The following SPARCL1 variants were observed in gnomAD, a reference collection of about 807,000 sequenced individuals.
SPARCL1 encodes the protein SPARC-like protein 1.
In SPARCL1, 52 loss-of-function variants were observed where a neutral mutation model predicts 67.1. That is an observed-to-expected ratio of 0.78 (90% confidence interval 0.62 to 0.98). The LOEUF (loss-of-function observed/expected upper bound fraction) is 0.98, where lower values mean the gene tolerates loss of function less well. Among genes scored for constraint, SPARCL1 ranks in the 50% least tolerant of loss-of-function variants. SPARCL1 has a pLI of 0.00. For synonymous variants in SPARCL1, 226 were observed against 267.8 expected, an observed-to-expected ratio of 0.84 and a Z score of 1.52; for missense variants, 717 against 782.4, an observed-to-expected ratio of 0.92 and a Z score of 1.00.
chr4:87,508,846 C>T (rs866807388), intron 1 of SPARCL1, among the ~76,000 whole-genome samples: 11 of 127,628 alleles, frequency 8.6e-5, no homozygotes, highest in South Asian at 2.6e-4. Flanking sequence ...AATGTAGATA[C>T]GTATATAGAT....
In SPARCL1 at chr4:87,479,519, C is replaced by A; in HGVS notation, c.1877G>T (p.Cys626Phe). ...ACACTCCTCAAAGAAACGGGTTATG[C>A]AGTGTTCCATGGGCACCAGAGATGC... Reference protein sequence around the residue: ...LRASLVPMEHCITRFFEECDP... With the variant: ...LRASLVPMEHFITRFFEECDP... The change falls in exon 10 of 11, where the codon TGC becomes TTC. Residue 626 changes from cysteine (C) to phenylalanine (F), a missense_variant. Transcript: ENST00000282470. The A allele has an allele frequency of 6.2e-7, 1 of 1,614,100 alleles. No homozygotes were observed. The highest frequency in any genetic ancestry group is 8.5e-7 in the Non-Finnish European group (1 of 1,179,992).
intron 1 of SPARCL1, among the ~76,000 whole-genome samples, chr4:87,521,742 G>T (rs1358117542): frequency 1.3e-5 from 2 of 152,182 alleles, no homozygotes; most frequent in Non-Finnish European, 2.9e-5. Flanking sequence ...AAAAAGGAGA[G>T]GTTTGTCTTG....
At chr4:87,480,330 C>G in intron 9 of SPARCL1, 42 bp downstream of exon 9, 1 of 1,501,568 alleles carries the variant, frequency 6.7e-7, no homozygotes, top group African/African-American at 1.4e-5. Flanking sequence ...GATATTTTAT[C>G]AGAGAGATAA....
chr4:87,479,703 A>T, intron 9 of SPARCL1, 125 bp from the exon 10 acceptor site: 1 of 828,970 alleles, frequency 1.2e-6, no homozygotes, highest in South Asian at 1.8e-5. Context: ...TAGAATACAG[A>T]TAAAAACTGC....
intron 1 of SPARCL1, among the ~76,000 whole-genome samples, chr4:87,508,482 G>A (rs539382119): frequency 6.6e-6 from 1 of 152,054 alleles, no homozygotes; most frequent in South Asian, 2.1e-4. Context: ...TTACAGACAT[G>A]GATCACTGTG....
At chr4:87,523,473 G>A (rs1237643752) in intron 1 of SPARCL1, among the ~76,000 whole-genome samples, 1 of 152,146 alleles carries the variant, frequency 6.6e-6, no homozygotes, top group Non-Finnish European at 1.5e-5. Flanking sequence ...AAAAGCACTG[G>A]AAAAACAATC....
chr4:87,513,377 A>G (rs1479086740), intron 1 of SPARCL1, among the ~76,000 whole-genome samples: 1 of 152,234 alleles, frequency 6.6e-6, no homozygotes, highest in East Asian at 1.9e-4. Context: ...TATTCTCCCC[A>G]AACAGACTAG....
intron 1 of SPARCL1, among the ~76,000 whole-genome samples, chr4:87,500,530 C>A (rs1560821988): frequency 6.6e-6 from 1 of 152,008 alleles, no homozygotes; most frequent in Non-Finnish European, 1.5e-5. Context: ...ATTAGGGCTG[C>A]AGCTTTTAGT....
At chr4:87,511,707 TG>T (rs1725364627) in intron 1 of SPARCL1, among the ~76,000 whole-genome samples, 1 of 151,928 alleles carries the variant, frequency 6.6e-6, no homozygotes, top group African/African-American at 2.4e-5. Context: ...CCATTGCCTC[TG>T]GAAGTGCAGA....
At chr4:87,522,824 T>C (rs1240223491) in intron 1 of SPARCL1, among the ~76,000 whole-genome samples, 1 of 152,208 alleles carries the variant, frequency 6.6e-6, no homozygotes, top group Non-Finnish European at 1.5e-5. Context: ...TGTATCATTA[T>C]ATATGGCATG....
At chr4:87,480,820 C>CCTTTTTTTTTTTTTTTTTTTTTTTT (rs59503255) in intron 8 of SPARCL1, among the ~76,000 whole-genome samples, 2 of 133,386 alleles carry the variant, frequency 1.5e-5, no homozygotes, top group African/African-American at 2.6e-5. Flanking sequence ...ATGTTCGCTG[C>CCTTTTTTTTTTTTTTTTTTTTTTTT]TTTTTTTTTT....
rs574960105 is a variant in SPARCL1 at position 87,485,489 on chromosome 4, C to T, written c.1532-2929G>A. The stretch of plus-strand genomic sequence containing the variant: ...TTGCCAGTATTTTATTGAGGATTTT[C>T]GCATCCATGTTCATCAGTGATATTG... On this transcript the variant is annotated intron_variant, in intron 7 of 10. Transcript: ENST00000282470. Among the ~76,000 whole-genome samples the T allele has an allele frequency of 1.0e-4, 15 of 150,708 alleles. No homozygotes were observed. The South Asian group carries it at 1.1e-3, about 11-fold the overall frequency.
At chr4:87,481,317 CTGGGTTATTT>C (rs1723813979) in intron 8 of SPARCL1, among the ~76,000 whole-genome samples, 3 of 152,192 alleles carry the variant, frequency 2.0e-5, no homozygotes, top group Non-Finnish European at 4.4e-5. Flanking sequence ...TCCTTCTTGA[CTGGGTTATTT>C]CCAGAAGCGT....
Position 87,493,773 on chromosome 4 carries a change from C to T in SPARCL1, c.1027G>A (p.Asp343Asn). The change falls in exon 4 of 11, where the codon GAT (aspartate) becomes AAT (asparagine). Residue 343 changes from aspartate to asparagine, a missense_variant. Transcript: ENST00000282470. Reference protein sequence around the residue: ...RNHGVDDDGDDDGDDGGTDGP... With the variant: ...RNHGVDDDGDNDGDDGGTDGP... ...TCAGTGCCGCCATCATCGCCATCAT[C>T]ATCGCCATCATCATCAACTCCATGA... 6.2e-7 allele frequency: 1 copy of T among 1,614,110 alleles called. No homozygotes were observed. Among genetic ancestry groups the T allele is most frequent in the Non-Finnish European group, 8.5e-7 (1 of 1,179,994 alleles).
chr4:87,495,423 T>C (rs1301970622), intron 2 of SPARCL1, among the ~76,000 whole-genome samples: 3 of 152,236 alleles, frequency 2.0e-5, no homozygotes, highest in Non-Finnish European at 4.4e-5. Context: ...TTTCTGTGTT[T>C]TTTAAACTTT....
At chr4:87,519,630 A>T (rs1292538739) in intron 1 of SPARCL1, among the ~76,000 whole-genome samples, 2 of 151,928 alleles carry the variant, frequency 1.3e-5, no homozygotes, top group African/African-American at 2.4e-5. Flanking sequence ...AAATTTGCAA[A>T]TTTTTTTCCC....
intron 7 of SPARCL1, among the ~76,000 whole-genome samples, chr4:87,488,807 AG>A (rs1267984886): frequency 6.6e-6 from 1 of 152,210 alleles, no homozygotes; most frequent in Admixed American, 6.5e-5. Flanking sequence ...GAATCTAGAG[AG>A]GCAGTCTAGC....
intron 1 of SPARCL1, among the ~76,000 whole-genome samples, chr4:87,517,114 T>C (rs573228030): frequency 7.0e-4 from 106 of 152,290 alleles, no homozygotes; most frequent in African/African-American, 2.3e-3. Flanking sequence ...ATTTTCTCTT[T>C]CTCAGAGAAA....
chr4:87,482,517 T>C lies in SPARCL1; in HGVS notation c.1575A>G (p.Leu525=), dbSNP rs1578094998. The C allele has an allele frequency of 1.2e-6, 2 of 1,614,020 alleles. No individual in the cohort carries two copies. The highest frequency in any genetic ancestry group is 1.7e-6 in the Non-Finnish European group (2 of 1,179,908). The change falls in exon 8 of 11, where the codon CTA becomes CTG. Residue 525 remains leucine, a synonymous_variant. Transcript: ENST00000282470. ...CTDFEVIQFP[L]RMRDWLKNIL... Reference sequence around the variant, plus strand: ...TATTCTTGAGCCAGTCTCTCATCCGTAGAGGAAACTGAATCACTTCAAAGT... The same window carrying C: ...TATTCTTGAGCCAGTCTCTCATCCGCAGAGGAAACTGAATCACTTCAAAGT...
Sources: allele counts gnomAD v4.1 joint callset (sites outside exome capture counted in the v4.1 genomes callset), GRCh38; gene constraint gnomAD v4.1.1; transcripts MANE v1.5; gene names NCBI Gene and HGNC (gene_info 2026-07-23, HGNC 2026-07-21).